Variants in RBM43 observed in about 807,000 individuals in gnomAD.
RBM43 encodes the protein RNA-binding protein 43.
RBM43 carries 12 observed loss-of-function variants against 12.4 expected under a neutral mutation model. The observed-to-expected ratio is 0.97, with a 90% CI of 0.62 to 1.57. The LOEUF (loss-of-function observed/expected upper bound fraction) is 1.57, where lower values mean the gene tolerates loss of function less well. Among genes scored for constraint, RBM43 ranks in the 40% most tolerant of loss-of-function variants. The probability of loss-of-function intolerance (pLI) is 0.00; values close to 1 mark genes in which losing one functional copy is unlikely to be tolerated. For missense variants in RBM43, 348 were observed against 400.1 expected (o/e 0.87, Z 1.11); for synonymous variants, 138 against 145.7 (o/e 0.95, Z 0.38).
At chr2:151,252,554 C>T (rs986140071) in intron 3 of RBM43, among the ~76,000 whole-genome samples, 1 of 152,156 alleles carries the variant, frequency 6.6e-6, no homozygotes, top group African/African-American at 2.4e-5. Context: ...TTAAGTGACA[C>T]ACATAGAAAG....
At chr2:151,253,433 C>T (rs1473816642) in intron 2 of RBM43, among the ~76,000 whole-genome samples, 5 of 152,174 alleles carry the variant, frequency 3.3e-5, no homozygotes, top group Non-Finnish European at 7.3e-5. Context: ...CCTCATTATC[C>T]TAATAGGCAT....
rs1321035592 is a variant in RBM43 at position 151,251,034 on chromosome 2, A to T, written c.946T>A (p.Leu316Ile). ...KRMIKRACEQ[L>I]SSRYLEVLIN... ...AGGACTTCAAGGTATCTCGAACTTA[A>T]TTGTTCACATGCCCTTTTGATCATT... Residue 316 changes from leucine to isoleucine, a missense_variant, in exon 4 of 4, where the codon TTA becomes ATA. Leu to Ile is a conservative substitution (Grantham distance 5). Coordinates refer to ENST00000331426, the MANE Select transcript of RBM43 (RefSeq NM_198557.3). 2 of 1,613,986 alleles carry T rather than the reference A, an allele frequency of 1.2e-6. No homozygotes were observed. The highest frequency in any genetic ancestry group is 8.5e-7 in the Non-Finnish European group (1 of 1,179,976).
At chr2:151,259,340 C>G (rs943530592) in intron 1 of RBM43, among the ~76,000 whole-genome samples, 4 of 152,088 alleles carry the variant, frequency 2.6e-5, no homozygotes, top group Non-Finnish European at 4.4e-5. Context: ...CACCTTTAGA[C>G]CAAACCTGCT....
At chr2:151,257,117 C>T (rs1005412272) in intron 1 of RBM43, among the ~76,000 whole-genome samples, 2 of 152,176 alleles carry the variant, frequency 1.3e-5, no homozygotes, top group African/African-American at 2.4e-5. Flanking sequence ...ACAGTCCACC[C>T]GAGCTCAAAC....
chr2:151,259,658 A>C (rs1415483881), intron 1 of RBM43, among the ~76,000 whole-genome samples: 1 of 152,078 alleles, frequency 6.6e-6, no homozygotes, highest in Admixed American at 6.6e-5. Flanking sequence ...AAAAATAAAA[A>C]CATTGAAAAT....
rs970342695 is a variant in RBM43 at position 151,248,843 on chromosome 2, C to T, written c.*2063G>A. 6.6e-6 allele frequency: 1 copy of T among 152,018 alleles called. No individual in the cohort carries two copies. 9.4% of individuals were successfully genotyped at this position (152,018 alleles called of 1,614,324 possible). A position where few individuals can be genotyped will look rare whatever the true frequency, so the allele number is the denominator to read the frequency against. On this transcript the variant is annotated 3_prime_UTR_variant, in exon 4 of 4. Coordinates refer to ENST00000331426, the MANE Select transcript of RBM43 (RefSeq NM_198557.3). Reference sequence around the variant, plus strand: ...AAGGCCAAATAAATACAAGACAGGACAGAAAATAAAATACATGCTTACCAG... The same window carrying T: ...AAGGCCAAATAAATACAAGACAGGATAGAAAATAAAATACATGCTTACCAG...
At position 151,250,923 on chromosome 2, in the gene RBM43, CTAT is replaced by C; in HGVS notation, c.1054_1056del (p.Ile352del). On this transcript the variant is annotated inframe_deletion, in exon 4 of 4. Transcript: ENST00000331426. ...AGATTTTATTAACTAACCTTTTGCCCTATTAATTTCATGACCCCTTTTTTAAAC... is the reference window on the plus strand; with the variant it reads ...AGATTTTATTAACTAACCTTTTGCCCTAATTTCATGACCCCTTTTTTAAAC... 1.9e-6 allele frequency: 3 copies of C among 1,595,224 alleles called. No individual in the cohort carries two copies. Among genetic ancestry groups the C allele is most frequent in the Non-Finnish European group, 2.6e-6 (3 of 1,170,674 alleles).
chr2:151,256,290 G>A (rs940550560), intron 1 of RBM43, among the ~76,000 whole-genome samples: 2 of 152,026 alleles, frequency 1.3e-5, no homozygotes, highest in African/African-American at 4.8e-5. Flanking sequence ...GAAAATATTG[G>A]TTAATATTTG....
intron 2 of RBM43, among the ~76,000 whole-genome samples, chr2:151,254,641 A>C (rs1419771535): frequency 1.3e-5 from 2 of 152,054 alleles, no homozygotes; most frequent in African/African-American, 4.8e-5. Flanking sequence ...CCAGCCACTA[A>C]GCTGTAAAGA....
At position 151,249,909 on chromosome 2, in the gene RBM43, T is replaced by C. The variant is rs577361247; in HGVS notation, c.*997A>G. 1.4e-4 allele frequency: 22 copies of C among 152,278 alleles called. No homozygotes were observed. Among genetic ancestry groups the C allele is most frequent in the Admixed American group, 1.4e-3 (22 of 15,294 alleles). 9.4% of individuals were successfully genotyped at this position (152,278 alleles called of 1,614,324 possible). A position where few individuals can be genotyped will look rare whatever the true frequency, so the allele number is the denominator to read the frequency against. On this transcript the variant is annotated 3_prime_UTR_variant, in exon 4 of 4. Transcript: ENST00000331426. The stretch of plus-strand genomic sequence containing the variant: ...AATATTATGTGTCCCAAGTACTTTT[T>C]CCCCCTAGCTTCTTGAGTCTGTTTT...
rs1004337489 is a variant in RBM43, at chr2:151,261,372, A to C, written c.3+353T>G. On this transcript the variant is annotated intron_variant, in intron 1 of 3. Transcript: ENST00000331426. Reference sequence around the variant, plus strand: ...AACAGTTAAGCCCTAACAGCCTGCGAAGCAGCTCCTCGACGAACGGCGGCG... The same window carrying C: ...AACAGTTAAGCCCTAACAGCCTGCGCAGCAGCTCCTCGACGAACGGCGGCG... 3.9e-5 allele frequency: 61 copies of C among 1,550,492 alleles called. No homozygotes were observed. The African/African-American group carries it at 8.1e-4, about 21-fold the overall frequency.
At chr2:151,261,405 C>G in intron 1 of RBM43, 1 of 1,550,626 alleles carries the variant, frequency 6.4e-7, no homozygotes, top group Non-Finnish European at 8.7e-7. Context: ...GCGTCCCCGT[C>G]GCCTGGGCAG....
Position 151,251,056 on chromosome 2 carries a change from C to T in RBM43, c.924G>A (p.Met308Ile). Residue 308 changes from methionine to isoleucine, a missense_variant, in exon 4 of 4, where the codon ATG (methionine) becomes ATA (isoleucine). Coordinates refer to ENST00000331426, the MANE Select transcript of RBM43 (RefSeq NM_198557.3). ...TTAATTGTTCACATGCCCTTTTGAT[C>T]ATTCTTTTCTCTCTATTTTCCTTTC... ...LEGKENREKR[M>I]IKRACEQLSS... 6.2e-7 allele frequency: 1 copy of T among 1,613,994 alleles called. No homozygotes were observed. The highest frequency in any genetic ancestry group is 1.1e-5 in the South Asian group (1 of 91,068).
chr2:151,257,771 T>C (rs1682993534), intron 1 of RBM43, among the ~76,000 whole-genome samples: 1 of 151,014 alleles, frequency 6.6e-6, no homozygotes, highest in Non-Finnish European at 1.5e-5. Flanking sequence ...AAATGAAGAT[T>C]GAAAACACAT....
intron 1 of RBM43, 67 bp downstream of exon 1, chr2:151,261,658 C>T (rs13023636): frequency 6.4e-7 from 1 of 1,567,518 alleles, no homozygotes; most frequent in Non-Finnish European, 8.7e-7. Context: ...CCGCGCCCTT[C>T]TAGGGGACCA....
At chr2:151,259,135 C>A (rs1165628223) in intron 1 of RBM43, among the ~76,000 whole-genome samples, 6 of 121,718 alleles carry the variant, frequency 4.9e-5, no homozygotes, top group South Asian at 2.6e-4. Context: ...GAGACTTCGT[C>A]CCCAAAAAAA....
At chr2:151,258,018 C>T (rs903772006) in intron 1 of RBM43, among the ~76,000 whole-genome samples, 2 of 151,338 alleles carry the variant, frequency 1.3e-5, no homozygotes, top group African/African-American at 4.9e-5. Flanking sequence ...GCAGTGAGCC[C>T]AATTGTGCCA....
At position 151,261,830 on chromosome 2, in the gene RBM43, T is replaced by TA. The variant is rs397822043; in HGVS notation, c.-104_-103insT. Reference sequence around the variant, plus strand: ...GCAGGCAGGTTTTGGTTTCGTTTTTTGTTCCAGCTCCCTTGGAGGCTACGA... The same window carrying TA: ...GCAGGCAGGTTTTGGTTTCGTTTTTTAGTTCCAGCTCCCTTGGAGGCTACGA... On this transcript the variant is annotated 5_prime_UTR_variant, in exon 1 of 4. Transcript: ENST00000331426. 2.1e-5 allele frequency: 29 copies of TA among 1,390,228 alleles called. No homozygotes were observed. The highest frequency in any genetic ancestry group is 2.7e-5 in the Non-Finnish European group (27 of 1,011,912). 86.1% of individuals were successfully genotyped at this position (1,390,228 alleles called of 1,614,324 possible).
Position 151,250,005 on chromosome 2 carries a change from T to G in RBM43, c.*901A>C, listed in dbSNP as rs563190648. The G allele has an allele frequency of 6.6e-6, 1 of 152,236 alleles. No individual in the cohort carries two copies. The highest frequency in any genetic ancestry group is 1.5e-5 in the Non-Finnish European group (1 of 68,044). The allele number at this position is 152,236 out of a possible 1,614,324, so 9.4% of individuals were successfully genotyped here. ...CAATTATAAAAGAATCACCATTTTA[T>G]GTAAGCACTTAGGCTAAAAAAATAG... On this transcript the variant is annotated 3_prime_UTR_variant, in exon 4 of 4. Transcript: ENST00000331426.
Sources: gnomAD v4.1 joint callset for allele counts (sites outside exome capture counted in the v4.1 genomes callset) on GRCh38, gnomAD v4.1.1 for gene constraint, MANE v1.5 for transcripts, NCBI Gene and HGNC (gene_info 2026-07-23, HGNC 2026-07-21) for gene names.